OR8B2: variants seen among roughly 807,000 people sequenced by gnomAD.
OR8B2 encodes the protein olfactory receptor 8B2.
For synonymous variants in OR8B2, 98 were observed against 138.2 expected, an observed-to-expected ratio of 0.71 and a Z score of 2.04; for missense variants, 304 against 379.6, an observed-to-expected ratio of 0.80 and a Z score of 1.65.
upstream of OR8B2, among the ~76,000 whole-genome samples, chr11:124,386,330 A>G (rs1328815980): frequency 6.7e-6 from 1 of 148,752 alleles, no homozygotes; most frequent in Non-Finnish European, 1.5e-5. Context: ...ATATGTATAC[A>G]TGTGCCATGT....
At chr11:124,395,037 T>C in the OR8B2 span, among the ~76,000 whole-genome samples, 3 of 151,664 alleles carry the variant, frequency 2.0e-5, no homozygotes, top group African/African-American at 7.3e-5. Context: ...TAGGGAGGCA[T>C]GATGGTGTGT....
At chr11:124,395,011 C>A in the OR8B2 span, among the ~76,000 whole-genome samples, 1 of 151,742 alleles carries the variant, frequency 6.6e-6, no homozygotes, top group East Asian at 1.9e-4. Context: ...ATTTTTTTCT[C>A]CAAATATTTA....
At chr11:124,387,090 C>G (rs1430523143), upstream of OR8B2, among the ~76,000 whole-genome samples, 2 of 152,148 alleles carry the variant, frequency 1.3e-5, no homozygotes, top group South Asian at 2.1e-4. Flanking sequence ...CCTTTGCCCA[C>G]TTTTTGATGG....
At chr11:124,390,639 G>A in the OR8B2 span, among the ~76,000 whole-genome samples, 3 of 152,082 alleles carry the variant, frequency 2.0e-5, no homozygotes, top group Non-Finnish European at 4.4e-5. Context: ...GTAATGAGTT[G>A]AGATATATAT....
the OR8B2 span, among the ~76,000 whole-genome samples, chr11:124,391,013 A>G: frequency 6.6e-6 from 1 of 152,192 alleles, no homozygotes; most frequent in Non-Finnish European, 1.5e-5. Context: ...CAATGGAATT[A>G]CTCTGTTCCT....
At chr11:124,389,000 A>G (rs1290917790), upstream of OR8B2, among the ~76,000 whole-genome samples, 7 of 151,760 alleles carry the variant, frequency 4.6e-5, no homozygotes, top group Non-Finnish European at 7.4e-5. Flanking sequence ...TAATTTTAGT[A>G]TTTTTAGTAG....
upstream of OR8B2, among the ~76,000 whole-genome samples, chr11:124,385,853 G>A (rs77323478): frequency 6.6e-6 from 1 of 151,822 alleles, no homozygotes; most frequent in Admixed American, 6.6e-5. Flanking sequence ...GGCTGGTCTT[G>A]AACTCCTGGT....
the OR8B2 span, among the ~76,000 whole-genome samples, chr11:124,393,510 A>G: frequency 9.8e-5 from 12 of 121,988 alleles, no homozygotes; most frequent in South Asian, 3.2e-3. Context: ...ACACATGAAA[A>G]AACGTTCATC....
chr11:124,382,454 T>C lies in OR8B2; in HGVS notation c.890A>G (p.Lys297Arg). ...AATCAGAGCTTTCCTCAGTGCAACT[T>C]TGACATCCTTGTTCCTCAAACTGTA... ...LIYSLRNKDV[K>R]VALRKALIKI... Residue 297 changes from lysine to arginine, a missense_variant, in exon 2 of 2, where the codon AAA becomes AGA. Transcript: ENST00000641451. 2.5e-6 allele frequency: 4 copies of C among 1,613,640 alleles called. No homozygotes were observed. Among genetic ancestry groups the C allele is most frequent in the South Asian group, 1.1e-5 (1 of 90,872 alleles).
chr11:124,387,109 GT>G (rs1207460245), upstream of OR8B2, among the ~76,000 whole-genome samples: 4 of 152,046 alleles, frequency 2.6e-5, no homozygotes, highest in Admixed American at 2.6e-4. Context: ...GGGGTTGTTT[GT>G]TTTTTTCTTG....
At chr11:124,385,232 A>G (rs1211755984), upstream of OR8B2, among the ~76,000 whole-genome samples, 2 of 152,184 alleles carry the variant, frequency 1.3e-5, no homozygotes, top group East Asian at 3.8e-4. Context: ...CCTCATTTTA[A>G]GACAGTATGA....
upstream of OR8B2, among the ~76,000 whole-genome samples, chr11:124,385,562 T>C (rs753712398): frequency 6.6e-5 from 10 of 151,688 alleles, no homozygotes; most frequent in Non-Finnish European, 1.5e-4. Context: ...GAATCCTATG[T>C]ACCTATTTAT....
the OR8B2 span, among the ~76,000 whole-genome samples, chr11:124,389,975 C>T: frequency 1.3e-5 from 2 of 152,030 alleles, no homozygotes; most frequent in African/African-American, 4.8e-5. Context: ...GCTACCACTC[C>T]CAGAACTCGT....
chr11:124,396,610 GA>G, the OR8B2 span: 1 of 1,612,326 alleles, frequency 6.2e-7, no homozygotes, highest in Non-Finnish European at 8.5e-7. Flanking sequence ...AACAGAGACA[GA>G]GCAATGACAT....
chr11:124,385,162 C>T (rs570014307), upstream of OR8B2, among the ~76,000 whole-genome samples: 1 of 152,246 alleles, frequency 6.6e-6, no homozygotes, highest in South Asian at 2.1e-4. Context: ...TCTAACTCAA[C>T]ATGTCTTTGC....
At chr11:124,385,351 G>A (rs1860680966), upstream of OR8B2, among the ~76,000 whole-genome samples, 1 of 152,152 alleles carries the variant, frequency 6.6e-6, no homozygotes, top group South Asian at 2.1e-4. Context: ...AAAAGTATAT[G>A]TAGATTCCCT....
chr11:124,385,493 TG>T (rs1188293571), upstream of OR8B2, among the ~76,000 whole-genome samples: 3 of 5,460 alleles, frequency 5.5e-4, no homozygotes, highest in Non-Finnish European at 1.3e-3. Context: ...TTAACATGCG[TG>T]TGTGTGTGTG....
chr11:124,384,856 A>G (rs935662742), upstream of OR8B2, among the ~76,000 whole-genome samples: 2 of 152,198 alleles, frequency 1.3e-5, no homozygotes, highest in African/African-American at 4.8e-5. Flanking sequence ...CTCTGCTGTC[A>G]TGTATAAAGA....
the OR8B2 span, chr11:124,396,538 C>G: frequency 6.2e-7 from 1 of 1,613,942 alleles, no homozygotes; most frequent in Non-Finnish European, 8.5e-7. Context: ...ACAGAAGAAA[C>G]TTTTCCCTGC....
Sources: gnomAD v4.1 joint callset for allele counts (sites outside exome capture counted in the v4.1 genomes callset) on GRCh38, gnomAD v4.1.1 for gene constraint, MANE v1.5 for transcripts, NCBI Gene and HGNC (gene_info 2026-07-23, HGNC 2026-07-21) for gene names.